SSBP2: variants seen among roughly 807,000 people sequenced by gnomAD.
SSBP2 encodes the protein single-stranded DNA-binding protein 2.
Under a neutral mutation model 61.8 loss-of-function variants are expected in SSBP2, and 17 were observed. That is an observed-to-expected ratio of 0.28 (90% CI 0.19 to 0.41). The LOEUF is 0.41. SSBP2 is among the 10% of genes least tolerant of loss of function. The pLI, the probability that SSBP2 is intolerant of heterozygous loss-of-function variation, is 1.00. For missense variants in SSBP2, 310 were observed against 458.7 expected (o/e 0.68, Z 2.96); for synonymous variants, 139 against 141.3 (o/e 0.98, Z 0.12).
intron 15 of SSBP2, among the ~76,000 whole-genome samples, chr5:81,435,125 G>C (rs1306118435): frequency 2.0e-5 from 3 of 152,162 alleles, no homozygotes; most frequent in Non-Finnish European, 4.4e-5. Context: ...GTCAATTCTA[G>C]CACATTGTTA....
rs192877449 is a variant in SSBP2, at chr5:81,738,210, C to G, written c.62+12771G>C. On this transcript the variant is annotated intron_variant, in intron 1 of 16. Coordinates refer to ENST00000320672, the MANE Select transcript of SSBP2 (RefSeq NM_012446.5). ...CCAGAGTGCTGGTAATGTTCTTTTT[C>G]TTGATGTGGGTACTTGGTTACACTG... is the stretch of plus-strand genomic sequence containing the variant. 2.6e-5 allele frequency among the ~76,000 whole-genome samples: 4 copies of G among 152,258 alleles called. No homozygotes were observed. In the East Asian group the frequency reaches 5.8e-4, roughly 22 times the overall value.
chr5:81,437,571 C>T, intron 14 of SSBP2, 113 bp from the exon 15 acceptor site: 1 of 927,506 alleles, frequency 1.1e-6, no homozygotes, highest in Non-Finnish European at 1.6e-6. Context: ...CAGCATATAG[C>T]TCCTGAGTTT....
chr5:81,521,176 T>C (rs1190544361), intron 4 of SSBP2, among the ~76,000 whole-genome samples: 2 of 152,046 alleles, frequency 1.3e-5, no homozygotes, highest in African/African-American at 4.8e-5. Context: ...ACAAACAATA[T>C]TGTTTGCCTT....
chr5:81,524,776 G>A (rs557385683), intron 4 of SSBP2, among the ~76,000 whole-genome samples: 2 of 152,054 alleles, frequency 1.3e-5, no homozygotes, highest in African/African-American at 4.8e-5. Flanking sequence ...CCCTTCCACA[G>A]TTAAGAGGAG....
At chr5:81,547,980 A>AT (rs1771870630) in intron 4 of SSBP2, among the ~76,000 whole-genome samples, 3 of 152,206 alleles carry the variant, frequency 2.0e-5, no homozygotes, top group Non-Finnish European at 2.9e-5. Context: ...GTTACTGTGT[A>AT]AACCCATGGA....
At chr5:81,498,045 T>C (rs991932475) in intron 5 of SSBP2, among the ~76,000 whole-genome samples, 1 of 152,126 alleles carries the variant, frequency 6.6e-6, no homozygotes, top group Non-Finnish European at 1.5e-5. Flanking sequence ...ACGTTTTAGG[T>C]TGAAATATAT....
At chr5:81,733,386 T>C (rs1056796275) in intron 1 of SSBP2, among the ~76,000 whole-genome samples, 3 of 151,968 alleles carry the variant, frequency 2.0e-5, no homozygotes. Context: ...GTCTTAGTCA[T>C]GGTAAATTAT....
chr5:81,702,021 T>G (rs1179151672), intron 1 of SSBP2, among the ~76,000 whole-genome samples: 2 of 152,156 alleles, frequency 1.3e-5, no homozygotes, highest in African/African-American at 4.8e-5. Flanking sequence ...GAAACAAAGT[T>G]ATATGGGACT....
intron 6 of SSBP2, 113 bp from the exon 7 acceptor site, chr5:81,474,675 A>T: frequency 1.5e-6 from 1 of 685,160 alleles, no homozygotes; most frequent in Non-Finnish European, 2.3e-6. Context: ...GCATTTGAGT[A>T]TTTCTCAAGA....
intron 15 of SSBP2, among the ~76,000 whole-genome samples, chr5:81,432,604 G>C (rs965461017): frequency 3.3e-5 from 5 of 152,026 alleles, no homozygotes; most frequent in Non-Finnish European, 5.9e-5. Flanking sequence ...AAATTAGCCG[G>C]GTATGGTGGT....
At chr5:81,739,106 G>A (rs905437228) in intron 1 of SSBP2, among the ~76,000 whole-genome samples, 6 of 130,766 alleles carry the variant, frequency 4.6e-5, no homozygotes, top group South Asian at 2.6e-4. Context: ...TGGAGGTTTC[G>A]GTGAGCCGAG....
chr5:81,705,110 G>A (rs1754273859), intron 1 of SSBP2, among the ~76,000 whole-genome samples: 1 of 151,866 alleles, frequency 6.6e-6, no homozygotes, highest in African/African-American at 2.4e-5. Flanking sequence ...CAACAAATCT[G>A]AATATATTAT....
intron 4 of SSBP2, among the ~76,000 whole-genome samples, chr5:81,595,372 C>G (rs930538200): frequency 6.6e-6 from 1 of 152,132 alleles, no homozygotes; most frequent in Non-Finnish European, 1.5e-5. Flanking sequence ...CAAAAAAACT[C>G]CAGGACCAGA....
chr5:81,587,162 CCTT>C (rs561633346), intron 4 of SSBP2, among the ~76,000 whole-genome samples: 1 of 152,124 alleles, frequency 6.6e-6, no homozygotes, highest in South Asian at 2.1e-4. Context: ...TTCTGTGAGT[CCTT>C]CTAGCAAATC....
At chr5:81,623,484 C>T (rs900908321) in intron 3 of SSBP2, among the ~76,000 whole-genome samples, 52 of 151,998 alleles carry the variant, frequency 3.4e-4, no homozygotes, top group Non-Finnish European at 2.4e-4. Flanking sequence ...TACAGGCGCC[C>T]GCCACCGCGC....
chr5:81,632,813 A>T (rs910106167), intron 3 of SSBP2, among the ~76,000 whole-genome samples: 1 of 152,152 alleles, frequency 6.6e-6, no homozygotes, highest in African/African-American at 2.4e-5. Context: ...ATCATTTCTC[A>T]TCATAGATGA....
intron 1 of SSBP2, among the ~76,000 whole-genome samples, chr5:81,740,724 G>A (rs1195835617): frequency 1.3e-5 from 2 of 152,190 alleles, no homozygotes; most frequent in African/African-American, 4.8e-5. Flanking sequence ...TACAGAATGA[G>A]AAACAGCTCT....
chr5:81,523,628 C>T (rs978541268), intron 4 of SSBP2, among the ~76,000 whole-genome samples: 1 of 151,930 alleles, frequency 6.6e-6, no homozygotes, highest in African/African-American at 2.4e-5. Flanking sequence ...GATATTTTAG[C>T]ATTCATGTTA....
chr5:81,624,118 G>C (rs1455835778), intron 3 of SSBP2, among the ~76,000 whole-genome samples: 1 of 151,916 alleles, frequency 6.6e-6, no homozygotes, highest in African/African-American at 2.4e-5. Context: ...TTTTAAAAAA[G>C]CCCTACTCAT....
Sources: gnomAD v4.1 joint callset for allele counts (sites outside exome capture counted in the v4.1 genomes callset) on GRCh38, gnomAD v4.1.1 for gene constraint, MANE v1.5 for transcripts, NCBI Gene and HGNC (gene_info 2026-07-23, HGNC 2026-07-21) for gene names.